The following CEP135 variants were observed in gnomAD, a reference collection of about 807,000 sequenced individuals.
CEP135 encodes centrosomal protein of 135 kDa.
Under a neutral mutation model 157.3 loss-of-function variants are expected in CEP135, and 142 were observed. That is an observed-to-expected ratio of 0.90 (90% CI 0.79 to 1.04). The LOEUF (loss-of-function observed/expected upper bound fraction) is 1.04. Ranked by LOEUF, CEP135 falls within the 50% of genes least tolerant of loss-of-function variation. The pLI, the probability that CEP135 is intolerant of heterozygous loss-of-function variation, is 0.00. For missense variants in CEP135, 1,317 were observed against 1,309.2 expected, an observed-to-expected ratio of 1.01 and a Z score of -0.09; for synonymous variants, 396 against 439.8, an observed-to-expected ratio of 0.90 and a Z score of 1.25.
intron 14 of CEP135, among the ~76,000 whole-genome samples, chr4:55,988,163 T>A (rs1413779935): frequency 6.6e-6 from 1 of 151,206 alleles, no homozygotes; most frequent in Non-Finnish European, 1.5e-5. Flanking sequence ...ATAACATAAA[T>A]TTTCCCCAAC....
At position 55,974,562 on chromosome 4, in the gene CEP135, C is replaced by CT. The variant is rs1451028414; in HGVS notation, c.1250-176dup. The stretch of plus-strand genomic sequence containing the variant: ...ACTTTATTTAAACTTTTAATTTTTG[C>CT]TTTTTTTTCCCTTCTTTCCTCTCAA... On this transcript the variant is annotated intron_variant, in intron 10 of 25. Coordinates refer to ENST00000257287, the MANE Select transcript of CEP135 (RefSeq NM_025009.5). Among the ~76,000 whole-genome samples the CT allele has an allele frequency of 7.2e-5, 11 of 151,942 alleles. No individual in the cohort carries two copies. The East Asian group carries it at 1.7e-3, about 24-fold the overall frequency.
chr4:55,982,233 C>T (rs185588018), intron 13 of CEP135, among the ~76,000 whole-genome samples: 5 of 152,344 alleles, frequency 3.3e-5, no homozygotes, highest in African/African-American at 9.6e-5. Context: ...TGACTTCTCT[C>T]ATTAGCATAA....
rs1216756299 is a variant in CEP135 at position 56,020,717 on chromosome 4, TG to T, written c.3259del (p.Ala1087HisfsTer10). 2 of 1,613,812 alleles carry T rather than the reference TG, an allele frequency of 1.2e-6. No individual in the cohort carries two copies. The highest frequency in any genetic ancestry group is 1.7e-6 in the Non-Finnish European group (2 of 1,179,820). ...SRENTMLRAK[V>X]AQLQTDYDAL... ...GAAAACACCATGCTTCGAGCTAAAGTGGCACAGTTACAAACAGATTATGATG... is the reference window on the plus strand; with the variant it reads ...GAAAACACCATGCTTCGAGCTAAAGTGCACAGTTACAAACAGATTATGATG... On this transcript the variant is annotated frameshift_variant, in exon 24 of 26. Coordinates refer to ENST00000257287, the MANE Select transcript of CEP135 (RefSeq NM_025009.5). LOFTEE classifies it high-confidence loss of function.
intron 25 of CEP135, among the ~76,000 whole-genome samples, chr4:56,028,837 A>G (rs898331328): frequency 4.6e-5 from 7 of 152,258 alleles, no homozygotes; most frequent in African/African-American, 1.4e-4. Context: ...ATTGATCTCA[A>G]TTTTAACATT....
chr4:55,992,540 G>A (rs921922488), intron 15 of CEP135, among the ~76,000 whole-genome samples: 1 of 152,142 alleles, frequency 6.6e-6, no homozygotes, highest in Non-Finnish European at 1.5e-5. Context: ...CTTAGAAACA[G>A]AAGTTTTTAA....
chr4:56,019,158 A>G (rs923922279), intron 22 of CEP135, among the ~76,000 whole-genome samples, 195 bp from the exon 23 acceptor site: 1 of 152,216 alleles, frequency 6.6e-6, no homozygotes, highest in African/African-American at 2.4e-5. Flanking sequence ...AGCCCATAGT[A>G]AAAATAGCAA....
chr4:55,974,245 A>C (rs538287394), intron 10 of CEP135, among the ~76,000 whole-genome samples: 1 of 152,246 alleles, frequency 6.6e-6, no homozygotes, highest in South Asian at 2.1e-4. Context: ...AGGTTCAACT[A>C]TATGAAATTG....
intron 21 of CEP135, among the ~76,000 whole-genome samples, chr4:56,015,980 C>A (rs182361648): frequency 9.9e-5 from 15 of 152,270 alleles, no homozygotes; most frequent in African/African-American, 3.6e-4. Context: ...TATTTGGAAA[C>A]AGGGTTTTTG....
rs138291324 is a variant in CEP135 at position 55,974,904 on chromosome 4, C to T, written c.1408C>T (p.Arg470Ter). 2.5e-5 allele frequency: 40 copies of T among 1,612,928 alleles called. No homozygotes were observed. Among genetic ancestry groups the T allele is most frequent in the African/African-American group, 4.0e-5 (3 of 74,872 alleles). Residue 470 changes from arginine (R) to a stop codon, truncating the protein, a stop_gained, in exon 11 of 26, where the codon CGA (arginine) becomes TGA (stop). Coordinates refer to ENST00000257287, the MANE Select transcript of CEP135 (RefSeq NM_025009.5). LOFTEE classifies it high-confidence loss of function. ...AGAGAGACTCCAACATATAATACAGCGAAGATCTTGCTCTACAAGTTATAG... is the reference window on the plus strand; with the variant it reads ...AGAGAGACTCCAACATATAATACAGTGAAGATCTTGCTCTACAAGTTATAG... ...ELERLQHIIQ[R>*]RSCSTSYSAR...
chr4:55,999,532 C>T lies in CEP135; in HGVS notation c.2167C>T (p.His723Tyr), dbSNP rs567136990. 4 of 1,610,702 alleles carry T rather than the reference C, an allele frequency of 2.5e-6. No individual in the cohort carries two copies. The highest frequency in any genetic ancestry group is 3.4e-5 in the Admixed American group (2 of 59,224). Residue 723 changes from histidine (H) to tyrosine (Y), a missense_variant, in exon 17 of 26, where the codon CAT becomes TAT. Physicochemically the swap from His to Tyr is moderately conservative, Grantham distance 83 (BLOSUM62 2). Transcript: ENST00000257287. ...GATGACTTCACAGGATGAGGAGGCT[C>T]ATGTAATGAAAAAGACCATTGGTGT... The part of the protein sequence containing the change: ...LKMTSQDEEA[H>Y]VMKKTIGVID...
At chr4:55,975,708 A>G (rs1204404415) in intron 11 of CEP135, among the ~76,000 whole-genome samples, 1 of 152,154 alleles carries the variant, frequency 6.6e-6, no homozygotes, top group African/African-American at 2.4e-5. Context: ...TTGAAGGCTT[A>G]TGTGACATTA....
intron 9 of CEP135, among the ~76,000 whole-genome samples, chr4:55,969,544 A>G (rs1728955192): frequency 6.6e-6 from 1 of 151,898 alleles, no homozygotes; most frequent in African/African-American, 2.4e-5. Context: ...TGGCCATTCC[A>G]TATAAAGGGA....
intron 25 of CEP135, among the ~76,000 whole-genome samples, chr4:56,030,127 C>T (rs772322238): frequency 4.6e-5 from 7 of 152,174 alleles, no homozygotes; most frequent in Non-Finnish European, 8.8e-5. Flanking sequence ...ATCACTGTCT[C>T]CTGCCTCTAC....
chr4:56,024,970 C>T (rs932727740), intron 25 of CEP135, among the ~76,000 whole-genome samples: 1 of 151,810 alleles, frequency 6.6e-6, no homozygotes, highest in Non-Finnish European at 1.5e-5. Flanking sequence ...AGACCTCCAC[C>T]TCTACAAAAA....
At chr4:56,002,312 C>G (rs1338620579) in intron 17 of CEP135, among the ~76,000 whole-genome samples, 2 of 152,026 alleles carry the variant, frequency 1.3e-5, no homozygotes, top group Non-Finnish European at 2.9e-5. Context: ...GCATCCTTGG[C>G]TTGTTCCAGA....
rs1560431453 is a variant in CEP135, at chr4:56,033,179, TTTTCTATAATTTAAAAATGTATAGCC to T, written c.*1833_*1858del. ...TTTGTTAGATATTTTATTTTTAATG[TTTTCTATAATTTAAAAATGTATAGCC>T]TGCCAAATGTTGTTTTCATAACCAT... On this transcript the variant is annotated 3_prime_UTR_variant, in exon 26 of 26. Coordinates refer to ENST00000257287, the MANE Select transcript of CEP135 (RefSeq NM_025009.5). The T allele has an allele frequency of 6.6e-6, 1 of 152,136 alleles. No individual in the cohort carries two copies. The highest frequency in any genetic ancestry group is 1.5e-5 in the Non-Finnish European group (1 of 68,008). The allele number at this position is 152,136 out of a possible 1,614,324, so 9.4% of individuals were successfully genotyped here. A position where few individuals can be genotyped will look rare whatever the true frequency, so the allele number is the denominator to read the frequency against.
rs751118192 is a variant in CEP135 at position 56,009,794 on chromosome 4, T to C, written c.2396T>C (p.Leu799Pro). ...DREINSLRRQ[L>P]DAAHKELDEV... ...GAGATAAACAGCCTCCGGCGCCAGC[T>C]TGATGCAGCTCACAAAGAACTCGAT... is the stretch of plus-strand genomic sequence containing the variant. The change falls in exon 19 of 26, where the codon CTT becomes CCT. Residue 799 changes from leucine (L) to proline (P), a missense_variant. Leu to Pro is a moderately conservative substitution (Grantham distance 98). Coordinates refer to ENST00000257287, the MANE Select transcript of CEP135 (RefSeq NM_025009.5). The C allele has an allele frequency of 7.1e-5, 114 of 1,613,910 alleles. No individual in the cohort carries two copies. Among genetic ancestry groups the C allele is most frequent in the Non-Finnish European group, 9.1e-5 (107 of 1,179,996 alleles).
intron 25 of CEP135, among the ~76,000 whole-genome samples, chr4:56,029,193 A>G (rs548579830): frequency 6.6e-6 from 1 of 152,264 alleles, no homozygotes; most frequent in Admixed American, 6.5e-5. Flanking sequence ...CCCTGTAAGC[A>G]TCGCCAAGTG....
chr4:55,989,354 T>C (rs111533652), intron 14 of CEP135, among the ~76,000 whole-genome samples: 8,765 of 152,310 alleles, frequency 0.058, 382 homozygotes, highest in Middle Eastern at 0.2. Flanking sequence ...TTAATTTTCA[T>C]AACAGTCATA....
Sources: allele counts gnomAD v4.1 joint callset (sites outside exome capture counted in the v4.1 genomes callset), GRCh38; gene constraint gnomAD v4.1.1; transcripts MANE v1.5; gene names NCBI Gene and HGNC (gene_info 2026-07-23, HGNC 2026-07-21).